The following SEMA3A variants were observed in gnomAD, a reference collection of about 807,000 sequenced individuals.
SEMA3A encodes semaphorin 3A.
In SEMA3A, 29 loss-of-function variants were observed where a neutral mutation model predicts 97.9. That is an observed-to-expected ratio of 0.30 (90% CI 0.22 to 0.40). SEMA3A has a LOEUF of 0.40. Ranked by LOEUF, SEMA3A falls within the 10% of genes least tolerant of loss-of-function variation. The probability of loss-of-function intolerance (pLI) is 1.00; values close to 1 mark genes in which losing one functional copy is unlikely to be tolerated. For missense variants in SEMA3A, 763 were observed against 951.3 expected, an observed-to-expected ratio of 0.80 and a Z score of 2.60; for synonymous variants, 321 against 323.7, an observed-to-expected ratio of 0.99 and a Z score of 0.09.
intron 1 of SEMA3A, among the ~76,000 whole-genome samples, chr7:84,138,078 T>C (rs1462552759): frequency 6.6e-6 from 1 of 152,172 alleles, no homozygotes. Flanking sequence ...ATAAAAATAC[T>C]AGAACAAGCA....
chr7:84,409,994 A>G (rs1222044979), intron 1 of SEMA3A, among the ~76,000 whole-genome samples: 2 of 152,052 alleles, frequency 1.3e-5, no homozygotes, highest in African/African-American at 4.8e-5. Flanking sequence ...GTTATTTGGA[A>G]AAATGATTCA....
chr7:84,405,590 G>T (rs1199140955), intron 1 of SEMA3A, among the ~76,000 whole-genome samples: 3 of 151,834 alleles, frequency 2.0e-5, no homozygotes, highest in Non-Finnish European at 4.4e-5. Flanking sequence ...AACAGAATAT[G>T]CATTCTTTGC....
intron 1 of SEMA3A, among the ~76,000 whole-genome samples, chr7:84,432,052 A>G (rs1469437297): frequency 1.3e-5 from 2 of 152,178 alleles, no homozygotes; most frequent in African/African-American, 4.8e-5. Flanking sequence ...TTGACCCCCA[A>G]AATACCATCA....
chr7:84,354,361 C>T (rs1802506037), intron 2 of SEMA3A, among the ~76,000 whole-genome samples: 1 of 151,540 alleles, frequency 6.6e-6, no homozygotes, highest in Non-Finnish European at 1.5e-5. Context: ...TTTTATACAA[C>T]AGATATGGTG....
intron 12 of SEMA3A, among the ~76,000 whole-genome samples, chr7:83,989,131 A>C (rs1489751495): frequency 6.6e-6 from 1 of 152,158 alleles, no homozygotes; most frequent in Non-Finnish European, 1.5e-5. Context: ...TATTTCATGA[A>C]GGTTTTCATG....
In SEMA3A at chr7:83,965,649, TATATATATATATATATA is replaced by T. The variant is rs1325948333; in HGVS notation, c.1718-2319_1718-2303del. ...GTGCATATATATATATATATATATA[TATATATATATATATATA>T]TTTTTTTTTTTTTTTTTTTTTTTTT... On this transcript the variant is annotated intron_variant, in intron 15 of 16. Coordinates refer to ENST00000265362, the MANE Select transcript of SEMA3A (RefSeq NM_006080.3). Among the ~76,000 whole-genome samples the T allele has an allele frequency of 9.5e-3, 115 of 12,094 alleles. 3 individuals are homozygous for T. Among genetic ancestry groups the T allele is most frequent in the South Asian group, 0.019 (8 of 426 alleles). 7.9% of individuals were successfully genotyped at this position (12,094 alleles called of 152,430 possible). A position where few individuals can be genotyped will look rare whatever the true frequency, so the allele number is the denominator to read the frequency against.
intron 15 of SEMA3A, among the ~76,000 whole-genome samples, chr7:83,974,158 A>T (rs1789035389): frequency 6.6e-6 from 1 of 152,056 alleles, no homozygotes; most frequent in South Asian, 2.1e-4. Flanking sequence ...CACATATATT[A>T]AGATTTGATA....
intron 1 of SEMA3A, among the ~76,000 whole-genome samples, chr7:84,163,842 ATTT>A (rs551002141): frequency 7.9e-6 from 1 of 126,888 alleles, no homozygotes. Flanking sequence ...ACACAGTACT[ATTT>A]TTTTTTTTTT....
At chr7:84,312,364 G>A (rs948775773) in intron 2 of SEMA3A, among the ~76,000 whole-genome samples, 3 of 151,682 alleles carry the variant, frequency 2.0e-5, no homozygotes, top group Non-Finnish European at 3.0e-5. Flanking sequence ...TTTGGTTCAT[G>A]AAAAGGTCAT....
chr7:84,164,560 T>C (rs746316563), intron 1 of SEMA3A, among the ~76,000 whole-genome samples: 4 of 152,158 alleles, frequency 2.6e-5, no homozygotes, highest in Non-Finnish European at 4.4e-5. Context: ...CTTTGACTTA[T>C]GGAATGTTTA....
chr7:84,356,411 T>C (rs1802562656), intron 2 of SEMA3A, among the ~76,000 whole-genome samples: 1 of 151,522 alleles, frequency 6.6e-6, no homozygotes, highest in Non-Finnish European at 1.5e-5. Flanking sequence ...AGAGTATAAA[T>C]AGCACTCTAC....
chr7:84,196,742 T>A (rs1045817423), upstream of SEMA3A, among the ~76,000 whole-genome samples: 14 of 152,294 alleles, frequency 9.2e-5, no homozygotes, highest in African/African-American at 3.1e-4. Context: ...GGAATTCATG[T>A]CGCTTTGGGA....
intron 6 of SEMA3A, among the ~76,000 whole-genome samples, chr7:84,017,943 G>A (rs1791170218): frequency 6.6e-6 from 1 of 151,908 alleles, no homozygotes; most frequent in Non-Finnish European, 1.5e-5. Context: ...TTACATTTAA[G>A]CAAGGGTTTA....
intron 1 of SEMA3A, among the ~76,000 whole-genome samples, chr7:84,141,302 T>G (rs1584027640): frequency 6.6e-6 from 1 of 152,282 alleles, no homozygotes; most frequent in East Asian, 1.9e-4. Flanking sequence ...CTCCAGCCTG[T>G]GCCAGAGGCC....
chr7:84,428,106 A>G (rs1804875637), intron 1 of SEMA3A, among the ~76,000 whole-genome samples: 1 of 152,156 alleles, frequency 6.6e-6, no homozygotes, highest in Admixed American at 6.6e-5. Context: ...TAGTCTCCAG[A>G]GCATATGCTA....
At chr7:84,189,316 ACT>A (rs1294260330) in intron 1 of SEMA3A, among the ~76,000 whole-genome samples, 3 of 151,812 alleles carry the variant, frequency 2.0e-5, no homozygotes, top group South Asian at 2.1e-4. Context: ...TTAATATGTA[ACT>A]CTGTAATATC....
chr7:84,249,491 T>C (rs1799558681), intron 3 of SEMA3A, among the ~76,000 whole-genome samples: 1 of 152,184 alleles, frequency 6.6e-6, no homozygotes, highest in East Asian at 1.9e-4. Flanking sequence ...TAAACACATC[T>C]GGCTTTCCTG....
intron 15 of SEMA3A, among the ~76,000 whole-genome samples, chr7:83,967,205 A>G (rs1788730829): frequency 6.6e-6 from 1 of 152,192 alleles, no homozygotes; most frequent in Non-Finnish European, 1.5e-5. Flanking sequence ...ATAAACAGAT[A>G]CCTAATCAAT....
chr7:84,376,818 G>C (rs918150567), intron 1 of SEMA3A, among the ~76,000 whole-genome samples: 1 of 151,808 alleles, frequency 6.6e-6, no homozygotes, highest in Non-Finnish European at 1.5e-5. Flanking sequence ...TGTCAATTCA[G>C]ATTATTTGCA....
Sources: allele counts gnomAD v4.1 joint callset (sites outside exome capture counted in the v4.1 genomes callset), GRCh38; gene constraint gnomAD v4.1.1; transcripts MANE v1.5; gene names NCBI Gene and HGNC (gene_info 2026-07-23, HGNC 2026-07-21).